PCDH11X: variants seen among roughly 807,000 people sequenced by gnomAD.
PCDH11X encodes protocadherin 11 X-linked.
In PCDH11X, 18 loss-of-function variants were observed where a neutral mutation model predicts 53.3. The ratio of observed to expected loss-of-function variants is 0.34; its 90% CI spans 0.23 to 0.50. The LOEUF (loss-of-function observed/expected upper bound fraction) is 0.50, where lower values mean the gene tolerates loss of function less well. Ranked by LOEUF, PCDH11X falls within the 20% of genes least tolerant of loss-of-function variation. The pLI is 0.98. For missense variants in PCDH11X, 570 were observed against 1,032.4 expected, an observed-to-expected ratio of 0.55 and a Z score of 6.14; for synonymous variants, 279 against 393.3, an observed-to-expected ratio of 0.71 and a Z score of 3.44.
chrX:92,420,059 T>C (rs1954105717), intron 9 of PCDH11X, among the ~76,000 whole-genome samples: 1 of 111,474 alleles, frequency 9.0e-6, no homozygotes, highest in African/African-American at 3.3e-5. Flanking sequence ...CCTCTGACTA[T>C]GTCTCCTGTA....
intron 6 of PCDH11X, among the ~76,000 whole-genome samples, chrX:92,076,549 G>T (rs1242640973): frequency 2.7e-5 from 3 of 111,228 alleles, no homozygotes; most frequent in Non-Finnish European, 3.8e-5. Flanking sequence ...GTTGGAACAG[G>T]ATCAGAATCA....
chrX:92,267,108 T>C (rs1221961781), intron 8 of PCDH11X, among the ~76,000 whole-genome samples: 10 of 112,124 alleles, frequency 8.9e-5, no homozygotes, highest in African/African-American at 2.6e-4. Flanking sequence ...TTTTGAAATT[T>C]CCTCGTATGA....
intron 10 of PCDH11X, among the ~76,000 whole-genome samples, chrX:92,543,960 G>A (rs2074802127): frequency 9.4e-6 from 1 of 106,287 alleles, no homozygotes; most frequent in African/African-American, 3.4e-5. Flanking sequence ...CTGTAAGTAG[G>A]ATGGATGATA....
chrX:92,335,765 C>T (rs71237584), intron 8 of PCDH11X, among the ~76,000 whole-genome samples: 3 of 111,481 alleles, frequency 2.7e-5, no homozygotes, highest in African/African-American at 6.5e-5. Flanking sequence ...TATACTACAA[C>T]GAGGTCATTA....
chrX:92,002,941 T>A (rs1257840885), intron 6 of PCDH11X, among the ~76,000 whole-genome samples: 4 of 98,892 alleles, frequency 4.0e-5, no homozygotes, highest in Non-Finnish European at 8.1e-5. Flanking sequence ...ATAACAGTAG[T>A]GGCAGTGGGC....
At chrX:92,431,880 A>G (rs1349311299) in intron 9 of PCDH11X, among the ~76,000 whole-genome samples, 1 of 109,996 alleles carries the variant, frequency 9.1e-6, no homozygotes, top group Non-Finnish European at 1.9e-5. Flanking sequence ...TTAAAGAAAC[A>G]CTGTAAAGGA....
At chrX:91,976,804 GT>G (rs2062052827) in intron 6 of PCDH11X, among the ~76,000 whole-genome samples, 1 of 111,686 alleles carries the variant, frequency 9.0e-6, no homozygotes. Context: ...TAAATTGTGT[GT>G]TTAAATTTAT....
At chrX:92,446,335 G>A (rs2072644732) in intron 9 of PCDH11X, among the ~76,000 whole-genome samples, 1 of 110,629 alleles carries the variant, frequency 9.0e-6, no homozygotes. Flanking sequence ...TATGTTATAT[G>A]CAATGATATG....
At chrX:91,847,084 A>G (rs762591559) in intron 5 of PCDH11X, among the ~76,000 whole-genome samples, 104 of 110,718 alleles carry the variant, frequency 9.4e-4, no homozygotes, top group Non-Finnish European at 1.6e-3. Context: ...TTTGACCTGT[A>G]CAGTGTACAG....
Position 92,492,830 on chromosome X carries a change from C to T in PCDH11X, c.3367+24508C>T, listed in dbSNP as rs749826049. On this transcript the variant is annotated intron_variant, in intron 10 of 10. Transcript: ENST00000682573. ...TTATAGATAATTGGAACAAAATTTC[C>T]TAAACTTTTTCTTTCTGTTCCTTAT... Among the ~76,000 whole-genome samples the T allele has an allele frequency of 4.1e-3, 447 of 109,328 alleles. 4 individuals carry two copies. The highest frequency in any genetic ancestry group is 0.014 in the African/African-American group (422 of 30,105). 94.9% of individuals were successfully genotyped at this position (109,328 alleles called of 115,157 possible). A position where few individuals can be genotyped will look rare whatever the true frequency, so the allele number is the denominator to read the frequency against.
At chrX:92,335,943 C>T (rs1362828657) in intron 8 of PCDH11X, among the ~76,000 whole-genome samples, 2 of 111,043 alleles carry the variant, frequency 1.8e-5, no homozygotes, top group Non-Finnish European at 3.8e-5. Context: ...TACTTTTATG[C>T]CGTTGGTGGT....
In PCDH11X at chrX:92,387,843, C is replaced by G. The variant is rs770887051; in HGVS notation, c.3253C>G (p.Leu1085Val). Residue 1085 changes from leucine (L) to valine (V), a missense_variant, in exon 9 of 11, where the codon CTG becomes GTG. Around this residue, in one of 6 missense-constraint regions of PCDH11X, gnomAD observed 234 missense variants for 296.1 expected, o/e 0.79. Coordinates refer to ENST00000682573, the MANE Select transcript of PCDH11X (RefSeq NM_032968.5). The part of the protein sequence containing the change: ...AGSLTSTSHG[L>V]PLGYPQEEYF... Reference sequence around the variant, plus strand: ...CAGCCTTACCAGCACATCTCATGGCCTGCCCCTTGGCTATCCTCAGGAGGA... The same window carrying G: ...CAGCCTTACCAGCACATCTCATGGCGTGCCCCTTGGCTATCCTCAGGAGGA... 1.8e-5 allele frequency: 22 copies of G among 1,209,683 alleles called. No individual in the cohort carries two copies. Among genetic ancestry groups the G allele is most frequent in the Admixed American group, 2.2e-5 (1 of 45,663 alleles).
intron 10 of PCDH11X, among the ~76,000 whole-genome samples, chrX:92,528,315 G>A (rs1222542413): frequency 1.8e-5 from 2 of 111,326 alleles, no homozygotes; most frequent in Non-Finnish European, 3.8e-5. Flanking sequence ...TTTTTGAGAC[G>A]GAGTTTCACT....
At chrX:92,300,746 G>A (rs2068705447) in intron 8 of PCDH11X, among the ~76,000 whole-genome samples, 1 of 111,913 alleles carries the variant, frequency 8.9e-6, no homozygotes, top group African/African-American at 3.3e-5. Context: ...CAGAGTGCTG[G>A]GAATACAGGC....
intron 8 of PCDH11X, among the ~76,000 whole-genome samples, chrX:92,321,184 GT>G (rs199672875): frequency 3.3e-4 from 28 of 84,877 alleles, no homozygotes; most frequent in Admixed American, 5.7e-4. Context: ...TGAACTGTAA[GT>G]TTTTTTTTGT....
chrX:92,175,277 G>A (rs1358945345), intron 6 of PCDH11X, among the ~76,000 whole-genome samples: 2 of 111,672 alleles, frequency 1.8e-5, no homozygotes, highest in African/African-American at 6.5e-5. Context: ...GCACCCAGCC[G>A]TAATTTACAA....
At chrX:92,105,668 G>A (rs1231368692) in intron 6 of PCDH11X, among the ~76,000 whole-genome samples, 1 of 105,479 alleles carries the variant, frequency 9.5e-6, no homozygotes, top group Non-Finnish European at 1.9e-5. Flanking sequence ...CAGGAGTGGG[G>A]GTCGCAAGGT....
At chrX:92,051,038 C>T (rs1209246861) in intron 6 of PCDH11X, among the ~76,000 whole-genome samples, 1 of 111,957 alleles carries the variant, frequency 8.9e-6, no homozygotes, top group Non-Finnish European at 1.9e-5. Context: ...TGAAAATTAG[C>T]ATTCCACAAA....
At chrX:91,995,221 AAAAAAAAC>A (rs1477513763) in intron 6 of PCDH11X, among the ~76,000 whole-genome samples, 1 of 107,705 alleles carries the variant, frequency 9.3e-6, no homozygotes. Context: ...ACGTTAAAAA[AAAAAAAAC>A]AAAAAAACAA....
Sources: gnomAD v4.1 joint callset for allele counts (sites outside exome capture counted in the v4.1 genomes callset) on GRCh38, gnomAD v4.1.1 for gene constraint, gnomAD v4.1.1 regional missense constraint, MANE v1.5 for transcripts, NCBI Gene and HGNC (gene_info 2026-07-23, HGNC 2026-07-21) for gene names.